Variants in BCAS3 observed in about 807,000 individuals in gnomAD.
BCAS3 encodes the protein BCAS3 microtubule associated cell migration factor.
BCAS3 carries 53 observed loss-of-function variants against 116.1 expected under a neutral mutation model. That is an observed-to-expected ratio of 0.46 (90% CI 0.37 to 0.57). The LOEUF (loss-of-function observed/expected upper bound fraction) is 0.57. BCAS3 is among the 20% of genes least tolerant of loss of function. The pLI is 0.00. For missense variants in BCAS3, 917 were observed against 1,165.4 expected, an observed-to-expected ratio of 0.79 and a Z score of 3.10; for synonymous variants, 391 against 408.2, an observed-to-expected ratio of 0.96 and a Z score of 0.51.
Position 60,967,779 on chromosome 17 carries a change from A to G in BCAS3, c.1221+20427A>G, listed in dbSNP as rs1247487860. On this transcript the variant is annotated intron_variant, in intron 14 of 23. Transcript: ENST00000407086. The surrounding 1 kb of genome is among the most constrained non-coding windows in gnomAD (Gnocchi z 4.7). ...CCCCCAATTGTATTTTCAAATAGCC[A>G]GTATTTTAGGTCACTGATTCTTTCC... Among the ~76,000 whole-genome samples, 1 of 151,512 alleles carries G rather than the reference A, an allele frequency of 6.6e-6. No individual in the cohort carries two copies. Among genetic ancestry groups the G allele is most frequent in the Non-Finnish European group, 1.5e-5 (1 of 67,946 alleles).
intron 10 of BCAS3, among the ~76,000 whole-genome samples, chr17:60,892,754 C>G (rs1484380349): frequency 6.6e-6 from 1 of 151,898 alleles, no homozygotes; most frequent in Non-Finnish European, 1.5e-5. Flanking sequence ...AACCCTGTCT[C>G]TACTAAAAAT....
At chr17:60,827,414 AT>A (rs2050527827) in intron 7 of BCAS3, among the ~76,000 whole-genome samples, 2 of 152,200 alleles carry the variant, frequency 1.3e-5, no homozygotes, top group Non-Finnish European at 2.9e-5. Context: ...TACCCAGCTT[AT>A]CTGGTGCTTG....
intron 14 of BCAS3, among the ~76,000 whole-genome samples, chr17:60,952,419 G>A (rs1599925874): frequency 6.6e-6 from 1 of 151,506 alleles, no homozygotes; most frequent in Admixed American, 6.6e-5. Context: ...TCCTGGGTTC[G>A]AGTGATTCTC....
chr17:61,280,583 T>C (rs1305345141), intron 22 of BCAS3, among the ~76,000 whole-genome samples: 1 of 152,214 alleles, frequency 6.6e-6, no homozygotes, highest in Non-Finnish European at 1.5e-5. Flanking sequence ...TAGATCTATA[T>C]AGCAGGAGTA....
intron 5 of BCAS3, among the ~76,000 whole-genome samples, chr17:60,732,475 G>A (rs978783586): frequency 6.6e-6 from 1 of 152,158 alleles, no homozygotes; most frequent in African/African-American, 2.4e-5. Context: ...ACATAGACAA[G>A]ATGCTGCTTA....
chr17:61,130,528 T>C lies in BCAS3; in HGVS notation c.2425+45964T>C, dbSNP rs2076275370. ...CTCCCCCAGTTTATGTTACGTAATA[T>C]GGTGAGAATCTTCTTCCTCAAATAC... On this transcript the variant is annotated intron_variant, in intron 22 of 23. Transcript: ENST00000407086. This position sits in a 1 kb window ranked among gnomAD's most constrained non-coding sequence, Gnocchi z 5.0. Among the ~76,000 whole-genome samples the C allele has an allele frequency of 6.6e-6, 1 of 152,166 alleles. No individual in the cohort carries two copies. Among genetic ancestry groups the C allele is most frequent in the African/African-American group, 2.4e-5 (1 of 41,436 alleles).
intron 10 of BCAS3, among the ~76,000 whole-genome samples, chr17:60,894,932 T>C (rs1341943474): frequency 6.6e-6 from 1 of 152,170 alleles, no homozygotes; most frequent in African/African-American, 2.4e-5. Context: ...TTGTGGTCTA[T>C]TATATTTTTG....
chr17:61,164,848 T>C (rs1431801393), intron 22 of BCAS3, among the ~76,000 whole-genome samples: 1 of 152,240 alleles, frequency 6.6e-6, no homozygotes, highest in African/African-American at 2.4e-5. Flanking sequence ...CCTTATGAGT[T>C]AGTATCCACA....
intron 6 of BCAS3, among the ~76,000 whole-genome samples, chr17:60,762,780 T>A (rs1205794091): frequency 6.6e-6 from 1 of 152,210 alleles, no homozygotes; most frequent in Non-Finnish European, 1.5e-5. Context: ...ATCTGTAAAT[T>A]ACCTTGGTCG....
At chr17:61,263,548 G>A (rs1437839175) in intron 22 of BCAS3, among the ~76,000 whole-genome samples, 1 of 152,252 alleles carries the variant, frequency 6.6e-6, no homozygotes, top group East Asian at 1.9e-4. Context: ...AGTGGAAAGT[G>A]TTTCTGAAGG....
At chr17:61,114,878 G>C (rs1438361104) in intron 22 of BCAS3, among the ~76,000 whole-genome samples, 2 of 151,806 alleles carry the variant, frequency 1.3e-5, no homozygotes, top group Non-Finnish European at 2.9e-5. Flanking sequence ...CATGGTACTG[G>C]TACCAAAACA....
intron 5 of BCAS3, among the ~76,000 whole-genome samples, chr17:60,738,583 G>T (rs1251718671): frequency 6.6e-6 from 1 of 151,964 alleles, no homozygotes; most frequent in Non-Finnish European, 1.5e-5. Context: ...TTTAATCCCT[G>T]TCTTTATATT....
chr17:60,990,635 A>G lies in BCAS3; in HGVS notation c.1486+400A>G, dbSNP rs948277246. Among the ~76,000 whole-genome samples the G allele has an allele frequency of 2.6e-5, 4 of 151,888 alleles. No homozygotes were observed. Among genetic ancestry groups the G allele is most frequent in the Admixed American group, 6.6e-5 (1 of 15,242 alleles). On this transcript the variant is annotated intron_variant, in intron 15 of 23. Coordinates refer to ENST00000407086, the MANE Select transcript of BCAS3 (RefSeq NM_017679.5). The surrounding 1 kb of genome is among the most constrained non-coding windows in gnomAD (Gnocchi z 5.1). ...TAGTCATGGGTAATGTGTATTTTAG[A>G]TAGAGCAGCATTTGCTTTTTTTTTT...
rs1602380341 is a variant in BCAS3 at position 61,279,550 on chromosome 17, G to A, written c.2426-88777G>A. On this transcript the variant is annotated intron_variant, in intron 22 of 23. Transcript: ENST00000407086. The surrounding 1 kb of genome is among the most constrained non-coding windows in gnomAD (Gnocchi z 4.4). ...ACTTTCCCTTGGGGCCTCAGCAGAG[G>A]ATATTTTTAGAACAGCTGTGGGTCT... Among the ~76,000 whole-genome samples the A allele has an allele frequency of 6.6e-6, 1 of 152,118 alleles. No individual in the cohort carries two copies. Among genetic ancestry groups the A allele is most frequent in the East Asian group, 1.9e-4 (1 of 5,176 alleles).
At chr17:61,050,793 T>G (rs1270529600) in intron 19 of BCAS3, among the ~76,000 whole-genome samples, 1 of 152,048 alleles carries the variant, frequency 6.6e-6, no homozygotes, top group African/African-American at 2.4e-5. Context: ...AATATCAGAC[T>G]AAGTAGGACA....
At chr17:60,831,600 C>T (rs189464245) in intron 7 of BCAS3, among the ~76,000 whole-genome samples, 1 of 152,200 alleles carries the variant, frequency 6.6e-6, no homozygotes, top group Non-Finnish European at 1.5e-5. Flanking sequence ...CAGTATACAA[C>T]GAAGGTTAAA....
chr17:60,731,917 T>C (rs1213468483), intron 5 of BCAS3, among the ~76,000 whole-genome samples: 1 of 151,644 alleles, frequency 6.6e-6, no homozygotes. Flanking sequence ...TAGCTGGGAT[T>C]ATAGGTGCTT....
intron 7 of BCAS3, among the ~76,000 whole-genome samples, chr17:60,811,716 A>C (rs1213391274): frequency 6.6e-6 from 1 of 152,242 alleles, no homozygotes; most frequent in African/African-American, 2.4e-5. Context: ...TAAAACTCAA[A>C]TGGAACTTCT....
rs75326480 is a variant in BCAS3, at chr17:61,265,408, A to G, written c.2426-102919A>G. On this transcript the variant is annotated intron_variant, in intron 22 of 23. Transcript: ENST00000407086. The surrounding 1 kb of genome is among the most constrained non-coding windows in gnomAD (Gnocchi z 4.3). The stretch of plus-strand genomic sequence containing the variant: ...AACAAGAGTGAAACTCTGTCTCAAG[A>G]AAAAAAAAAAAAGAAAGCACAGTAC... 2.4e-5 allele frequency among the ~76,000 whole-genome samples: 3 copies of G among 122,692 alleles called. No individual in the cohort carries two copies. The highest frequency in any genetic ancestry group is 2.0e-4 in the East Asian group (1 of 5,066). The allele number at this position is 122,692 out of a possible 152,430, so 80.5% of individuals were successfully genotyped here.
Sources: allele counts gnomAD v4.1 joint callset (sites outside exome capture counted in the v4.1 genomes callset), GRCh38; gene constraint gnomAD v4.1.1; non-coding constraint Gnocchi (gnomAD v3.1); transcripts MANE v1.5; gene names NCBI Gene and HGNC (gene_info 2026-07-23, HGNC 2026-07-21).